The following ATG2B variants were observed in gnomAD, a reference collection of about 807,000 sequenced individuals.
The protein encoded by ATG2B is autophagy related 2B, also known as autophagy-related protein 2 homolog B.
Under a neutral mutation model 241.3 loss-of-function variants are expected in ATG2B, and 121 were observed. The ratio of observed to expected loss-of-function variants is 0.50; its 90% CI spans 0.43 to 0.58. The LOEUF is 0.58. Among genes scored for constraint, ATG2B ranks in the 20% least tolerant of loss-of-function variants. The pLI is 0.00. For missense variants in ATG2B, 2,306 were observed against 2,491.6 expected, an observed-to-expected ratio of 0.93 and a Z score of 1.59; for synonymous variants, 858 against 876.6, an observed-to-expected ratio of 0.98 and a Z score of 0.37.
At chr14:96,329,116 C>G (rs1336719302) in intron 12 of ATG2B, among the ~76,000 whole-genome samples, 1 of 152,148 alleles carries the variant, frequency 6.6e-6, no homozygotes, top group African/African-American at 2.4e-5. Flanking sequence ...TGAATGAACA[C>G]AAGACATTTA....
rs747356794 is a variant in ATG2B at position 96,303,255 on chromosome 14, C to T, written c.4843G>A (p.Val1615Met). The T allele has an allele frequency of 2.6e-6, 4 of 1,556,368 alleles. No homozygotes were observed. The highest frequency in any genetic ancestry group is 2.3e-5 in the East Asian group (1 of 42,622). ...DFLMEIQLSK[V>M]KFQHEVYPPC... is the part of the protein sequence containing the mutation. The stretch of plus-strand genomic sequence containing the variant: ...GGGTAGACTTCATGCTGAAACTTCA[C>T]CTTAACGGGTAAGGAGGAAGAACGC... The change falls in exon 33 of 42, where the codon GTG (valine) becomes ATG (methionine). Residue 1615 changes from valine (V) to methionine (M), a missense_variant and splice_region_variant. Coordinates refer to ENST00000359933, the MANE Select transcript of ATG2B (RefSeq NM_018036.7).
Position 96,334,336 on chromosome 14 carries a change from T to A in ATG2B, c.1021+69A>T. ...ATAGACTTTCCTACATGTACATACATTACATATTTTAAAGTTTTTTAAAAT... is the reference window on the plus strand; with the variant it reads ...ATAGACTTTCCTACATGTACATACAATACATATTTTAAAGTTTTTTAAAAT... On this transcript the variant is annotated intron_variant, in intron 7 of 41. Coordinates refer to ENST00000359933, the MANE Select transcript of ATG2B (RefSeq NM_018036.7). 3.3e-6 allele frequency: 3 copies of A among 913,320 alleles called. 1 individual carries two copies. The South Asian group carries it at 4.9e-5, about 15-fold the overall frequency. The allele number at this position is 913,320 out of a possible 1,614,324, so 56.6% of individuals were successfully genotyped here.
At chr14:96,347,842 G>A (rs1234579267) in intron 1 of ATG2B, among the ~76,000 whole-genome samples, 7 of 152,180 alleles carry the variant, frequency 4.6e-5, no homozygotes, top group Non-Finnish European at 4.4e-5. Flanking sequence ...AACAAATGCT[G>A]GAGAGGATGT....
At position 96,331,458 on chromosome 14, in the gene ATG2B, T is replaced by C. The variant is rs567106999; in HGVS notation, c.1648A>G (p.Ile550Val). ...TCTGTTGAAAATCTTGCTGGATCAATCTTTTCTATACAAGTAAAGAAAGCT... is the reference window on the plus strand; with the variant it reads ...TCTGTTGAAAATCTTGCTGGATCAACCTTTTCTATACAAGTAAAGAAAGCT... ...AVAFFTCIEKIDPARFSTEDF... is the reference protein window; with the variant it reads ...AVAFFTCIEKVDPARFSTEDF... The change falls in exon 11 of 42, where the codon ATT (isoleucine) becomes GTT (valine). Residue 550 changes from isoleucine (I) to valine (V), a missense_variant. Physicochemically the swap from Ile to Val is conservative, Grantham distance 29. Transcript: ENST00000359933. The C allele has an allele frequency of 6.2e-7, 1 of 1,614,116 alleles. No homozygotes were observed. The highest frequency in any genetic ancestry group is 8.5e-7 in the Non-Finnish European group (1 of 1,179,976).
chr14:96,347,966 C>T (rs1888213072), intron 1 of ATG2B, among the ~76,000 whole-genome samples: 1 of 152,118 alleles, frequency 6.6e-6, no homozygotes, highest in South Asian at 2.1e-4. Context: ...CTATATGATT[C>T]GGCAATCCCA....
Position 96,337,782 on chromosome 14 carries a change from A to T in ATG2B, c.925-3281T>A, listed in dbSNP as rs563342233. On this transcript the variant is annotated intron_variant, in intron 6 of 41. Coordinates refer to ENST00000359933, the MANE Select transcript of ATG2B (RefSeq NM_018036.7). Reference sequence around the variant, plus strand: ...TGGGCTCTTCTCTGGTTCCATATGAATTTTAGGGTTGTTTTTTCTAGTTCT... The same window carrying T: ...TGGGCTCTTCTCTGGTTCCATATGATTTTTAGGGTTGTTTTTTCTAGTTCT... Among the ~76,000 whole-genome samples the T allele has an allele frequency of 3.9e-3, 588 of 152,114 alleles. 6 individuals are homozygous for T. The highest frequency in any genetic ancestry group is 0.013 in the African/African-American group (543 of 41,486).
intron 18 of ATG2B, among the ~76,000 whole-genome samples, chr14:96,319,183 T>G (rs1006092347): frequency 6.6e-6 from 1 of 152,226 alleles, no homozygotes; most frequent in Non-Finnish European, 1.5e-5. Flanking sequence ...GACTGAGGAT[T>G]GTGACTCTCA....
rs1595283799 is a variant in ATG2B at position 96,279,869 on chromosome 14, T to G, written c.*5886A>C. 1 of 119,456 alleles carries G rather than the reference T, an allele frequency of 8.4e-6. No individual in the cohort carries two copies. The highest frequency in any genetic ancestry group is 3.0e-4 in the South Asian group (1 of 3,328). 7.4% of individuals were successfully genotyped at this position (119,456 alleles called of 1,614,324 possible). On this transcript the variant is annotated 3_prime_UTR_variant, in exon 42 of 42. Coordinates refer to ENST00000359933, the MANE Select transcript of ATG2B (RefSeq NM_018036.7). The stretch of plus-strand genomic sequence containing the variant: ...AGGGGAGTTTGTTACTGGCATCCAG[T>G]GGCCAGAGGCCAGCGGGGGGTGGGA...
intron 1 of ATG2B, 22 bp downstream of exon 1, chr14:96,362,793 G>C: frequency 6.3e-7 from 1 of 1,583,832 alleles, no homozygotes. Context: ...GCCCCGCCCG[G>C]CTCGCCGCCG....
chr14:96,291,995 A>C, intron 37 of ATG2B, 34 bp downstream of exon 37: 2 of 1,409,714 alleles, frequency 1.4e-6, no homozygotes, highest in Non-Finnish European at 2.0e-6. Flanking sequence ...AACATATGAT[A>C]ATTTTGTGGA....
At chr14:96,362,693 C>A in intron 1 of ATG2B, 122 bp downstream of exon 1, 1 of 962,998 alleles carries the variant, frequency 1.0e-6, no homozygotes, top group Non-Finnish European at 1.5e-6. Context: ...TGAGCCGTGT[C>A]ACACTCGGGT....
In ATG2B at chr14:96,281,185, A is replaced by G. The variant is rs961181832; in HGVS notation, c.*4570T>C. 6.6e-6 allele frequency: 1 copy of G among 152,146 alleles called. No homozygotes were observed. The highest frequency in any genetic ancestry group is 2.1e-4 in the South Asian group (1 of 4,820). 9.4% of individuals were successfully genotyped at this position (152,146 alleles called of 1,614,324 possible). A position where few individuals can be genotyped will look rare whatever the true frequency, so the allele number is the denominator to read the frequency against. On this transcript the variant is annotated 3_prime_UTR_variant, in exon 42 of 42. Transcript: ENST00000359933. ...ATAACAAGGTCTGAGGCAGATGTAC[A>G]CCCCACCCCAATAAGTATTTTACAC...
At chr14:96,355,743 GA>G (rs796613347) in intron 1 of ATG2B, among the ~76,000 whole-genome samples, 5 of 151,668 alleles carry the variant, frequency 3.3e-5, no homozygotes, top group East Asian at 1.9e-4. Context: ...TTGACAATAT[GA>G]AAAAAAAGCA....
At chr14:96,314,373 T>C (rs1201293502) in intron 23 of ATG2B, among the ~76,000 whole-genome samples, 2 of 152,236 alleles carry the variant, frequency 1.3e-5, no homozygotes, top group African/African-American at 4.8e-5. Context: ...TTGTATTTTA[T>C]TACCATAAAA....
chr14:96,349,861 T>G (rs188540199), intron 1 of ATG2B, among the ~76,000 whole-genome samples: 1 of 152,152 alleles, frequency 6.6e-6, no homozygotes, highest in Admixed American at 6.5e-5. Flanking sequence ...AGATTAACAT[T>G]ACAAACACAG....
At chr14:96,321,907 C>G (rs1228244404) in intron 18 of ATG2B, among the ~76,000 whole-genome samples, 5 of 152,118 alleles carry the variant, frequency 3.3e-5, no homozygotes, top group African/African-American at 9.7e-5. Context: ...AAATAAATAT[C>G]TCACACACCC....
intron 6 of ATG2B, among the ~76,000 whole-genome samples, chr14:96,337,193 T>C (rs1887890589): frequency 6.6e-6 from 1 of 152,206 alleles, no homozygotes; most frequent in African/African-American, 2.4e-5. Flanking sequence ...GTGGCTGGCA[T>C]GTGGTAGTCA....
chr14:96,313,365 AAAGT>A lies in ATG2B; in HGVS notation c.3709_3712del (p.Thr1237PhefsTer45). 6.3e-7 allele frequency: 1 copy of A among 1,597,874 alleles called. No homozygotes were observed. The highest frequency in any genetic ancestry group is 8.5e-7 in the Non-Finnish European group (1 of 1,175,456). On this transcript the variant is annotated frameshift_variant, in exon 24 of 42. Transcript: ENST00000359933. LOFTEE classifies it high-confidence loss of function. ...TGCACAGCTCCAAAGATGAACATGA[AAAGT>A]TGTAAATGAAGTTGGAGGATTATAT...
At chr14:96,326,374 C>T (rs941767429) in intron 14 of ATG2B, among the ~76,000 whole-genome samples, 1 of 152,090 alleles carries the variant, frequency 6.6e-6, no homozygotes, top group Non-Finnish European at 1.5e-5. Context: ...CAAATACAAT[C>T]GCTGACTCAA....
Sources: allele counts gnomAD v4.1 joint callset (sites outside exome capture counted in the v4.1 genomes callset), GRCh38; gene constraint gnomAD v4.1.1; transcripts MANE v1.5; gene names NCBI Gene and HGNC (gene_info 2026-07-23, HGNC 2026-07-21).